Variants in SLIT1 observed in about 807,000 individuals in gnomAD.
The protein encoded by SLIT1 is slit homolog 1 protein.
A neutral mutation model predicts 186.1 loss-of-function variants in SLIT1; 66 were observed. The ratio of observed to expected loss-of-function variants is 0.35; its 90% CI spans 0.29 to 0.44. SLIT1 has a LOEUF of 0.44. SLIT1 is among the 20% of genes least tolerant of loss of function. The probability of loss-of-function intolerance (pLI) is 1.00; values close to 1 mark genes in which losing one functional copy is unlikely to be tolerated. For missense variants in SLIT1, 1,638 were observed against 2,037.4 expected, an observed-to-expected ratio of 0.80 and a Z score of 3.77; for synonymous variants, 761 against 833.8, an observed-to-expected ratio of 0.91 and a Z score of 1.50.
At chr10:97,158,462 G>A (rs1849981098) in intron 3 of SLIT1, among the ~76,000 whole-genome samples, 1 of 152,062 alleles carries the variant, frequency 6.6e-6, no homozygotes, top group Admixed American at 6.5e-5. Flanking sequence ...AGGAGTTCGA[G>A]GCCAGCCTGG....
Position 97,185,628 on chromosome 10 carries a change from G to A in SLIT1, c.47C>T (p.Pro16Leu), listed in dbSNP as rs1850402635. ...GWGSSAGPVR[P>L]ELWLLLWAAA... ...TGCCCACAGCAGCAGCCAGAGCTCCGGCCGGACCGGCCCCGCCGAGGACCC... is the reference window on the plus strand; with the variant it reads ...TGCCCACAGCAGCAGCCAGAGCTCCAGCCGGACCGGCCCCGCCGAGGACCC... The change falls in exon 1 of 37, where the codon CCG becomes CTG. Residue 16 changes from proline (P) to leucine (L), a missense_variant. Coordinates refer to ENST00000266058, the MANE Select transcript of SLIT1 (RefSeq NM_003061.3). 6.5e-7 allele frequency: 1 copy of A among 1,546,562 alleles called. No homozygotes were observed. Among genetic ancestry groups the A allele is most frequent in the Non-Finnish European group, 8.7e-7 (1 of 1,147,514 alleles).
chr10:97,030,167 T>C (rs1032995415), intron 25 of SLIT1, among the ~76,000 whole-genome samples: 1 of 152,218 alleles, frequency 6.6e-6, no homozygotes, highest in Non-Finnish European at 1.5e-5. Flanking sequence ...AGTAATCCTA[T>C]GTTGAGATTT....
intron 4 of SLIT1, among the ~76,000 whole-genome samples, chr10:97,071,254 C>T (rs1311405260): frequency 6.6e-6 from 1 of 152,128 alleles, no homozygotes; most frequent in Non-Finnish European, 1.5e-5. Context: ...CCCACAGGGA[C>T]TCAGGGAGAT....
chr10:97,098,214 A>AC (rs1297773959), intron 4 of SLIT1, among the ~76,000 whole-genome samples: 1 of 152,184 alleles, frequency 6.6e-6, no homozygotes, highest in Non-Finnish European at 1.5e-5. Flanking sequence ...GAAAACAGTG[A>AC]CCGGGATGAC....
At chr10:97,035,055 C>G (rs535052970) in intron 22 of SLIT1, among the ~76,000 whole-genome samples, 2 of 152,328 alleles carry the variant, frequency 1.3e-5, no homozygotes, top group East Asian at 3.9e-4. Context: ...AGCCGGTCCA[C>G]TGGCCACAAG....
chr10:97,109,320 C>T (rs1475810940), intron 4 of SLIT1, among the ~76,000 whole-genome samples: 1 of 152,102 alleles, frequency 6.6e-6, no homozygotes, highest in African/African-American at 2.4e-5. Context: ...TTGTTTTTAG[C>T]GATAATGATG....
chr10:97,115,812 C>G (rs1243413665), intron 4 of SLIT1, among the ~76,000 whole-genome samples: 1 of 152,208 alleles, frequency 6.6e-6, no homozygotes, highest in Non-Finnish European at 1.5e-5. Flanking sequence ...TCTGAGGAGC[C>G]AAGGCTCAGA....
rs200399275 is a variant in SLIT1, at chr10:97,059,540, T to C, written c.1014-9A>G. On this transcript the variant is annotated splice_polypyrimidine_tract_variant and intron_variant, in intron 10 of 36. Coordinates refer to ENST00000266058, the MANE Select transcript of SLIT1 (RefSeq NM_003061.3). ...GATTGTTGCTCAGGTCTCTGCAAGGTGAGCAGAAGGAGAGGGGGCATCTGA... is the reference window on the plus strand; with the variant it reads ...GATTGTTGCTCAGGTCTCTGCAAGGCGAGCAGAAGGAGAGGGGGCATCTGA... 1 of 1,612,940 alleles carries C rather than the reference T, an allele frequency of 6.2e-7. No individual in the cohort carries two copies. The highest frequency in any genetic ancestry group is 8.5e-7 in the Non-Finnish European group (1 of 1,179,492).
intron 4 of SLIT1, among the ~76,000 whole-genome samples, chr10:97,072,530 G>A (rs1360046700): frequency 6.6e-6 from 1 of 151,256 alleles, no homozygotes; most frequent in East Asian, 1.9e-4. Context: ...CCCCCAGGCA[G>A]GCAGGCAGCA....
rs778979915 is a variant in SLIT1, at chr10:97,059,494, C to T, written c.1051G>A (p.Asp351Asn). 1.9e-5 allele frequency: 30 copies of T among 1,613,684 alleles called. No individual in the cohort carries two copies. Among genetic ancestry groups the T allele is most frequent in the Middle Eastern group, 1.6e-4 (1 of 6,082 alleles). The change falls in exon 11 of 37, where the codon GAC becomes AAC. Residue 351 changes from aspartate to asparagine, a missense_variant. Physicochemically the swap from Asp to Asn is conservative, Grantham distance 23. This residue lies in a region of SLIT1 where 1,245 missense variants were observed against 1,535.3 expected (regional missense o/e 0.81). Transcript: ENST00000266058. Reference protein sequence around the residue: ...SNNQIAEIAPDAFQGLRSLNS... With the variant: ...SNNQIAEIAPNAFQGLRSLNS... The stretch of plus-strand genomic sequence containing the variant: ...AGGGAGCGGAGGCCCTGGAAGGCGT[C>T]GGGTGCAATCTCAGCGATCTGATTG...
At chr10:97,054,825 G>T (rs1848822594) in intron 13 of SLIT1, among the ~76,000 whole-genome samples, 1 of 152,210 alleles carries the variant, frequency 6.6e-6, no homozygotes, top group South Asian at 2.1e-4. Flanking sequence ...AGGACACATA[G>T]ATAAACAGCA....
At chr10:97,046,861 T>TC in intron 17 of SLIT1, 64 bp from the exon 18 acceptor site, 1 of 1,591,930 alleles carries the variant, frequency 6.3e-7, no homozygotes, top group Non-Finnish European at 8.6e-7. Context: ...GCCCCTCCCT[T>TC]CCTGCAGGCA....
In SLIT1 at chr10:97,063,536, G is replaced by C; in HGVS notation, c.712C>G (p.Leu238Val). 1 of 1,613,172 alleles carries C rather than the reference G, an allele frequency of 6.2e-7. No homozygotes were observed. Among genetic ancestry groups the C allele is most frequent in the Non-Finnish European group, 8.5e-7 (1 of 1,179,898 alleles). ...QWLRQRPTIGLFTQCSGPASL... is the reference protein window; with the variant it reads ...QWLRQRPTIGVFTQCSGPASL... ...GCTGGGCCCGAGCACTGGGTGAAGA[G>C]CCCGATGGTTGGCCGCTGCCTCAGC... Residue 238 changes from leucine (L) to valine (V), a missense_variant, in exon 8 of 37, where the codon CTC (leucine) becomes GTC (valine). Leu to Val is a conservative substitution (Grantham distance 32, BLOSUM62 1). Transcript: ENST00000266058.
chr10:97,183,088 G>T (rs572243948), intron 1 of SLIT1, among the ~76,000 whole-genome samples: 1 of 152,222 alleles, frequency 6.6e-6, no homozygotes, highest in South Asian at 2.1e-4. Context: ...CTCTGTGCTT[G>T]GCAAAATCCA....
intron 4 of SLIT1, among the ~76,000 whole-genome samples, chr10:97,119,921 A>ATATATATATATATATATT (rs1849544447): frequency 8.3e-6 from 1 of 120,082 alleles, no homozygotes; most frequent in Non-Finnish European, 1.8e-5. Flanking sequence ...GGGTATATAT[A>ATATATATATATATATATT]TATATATATA....
At position 97,078,798 on chromosome 10, in the gene SLIT1, G is replaced by A. The variant is rs112428618; in HGVS notation, c.414-12712C>T. On this transcript the variant is annotated intron_variant, in intron 4 of 36. Coordinates refer to ENST00000266058, the MANE Select transcript of SLIT1 (RefSeq NM_003061.3). ...ATGTGAACACCAGGGCGAGGCCTCCGGGCTTACTCAACACCAGGTGCTGGG... is the reference window on the plus strand; with the variant it reads ...ATGTGAACACCAGGGCGAGGCCTCCAGGCTTACTCAACACCAGGTGCTGGG... Among the ~76,000 whole-genome samples, 880 of 152,346 alleles carry A rather than the reference G, an allele frequency of 5.8e-3. 12 individuals are homozygous for A. The highest frequency in any genetic ancestry group is 0.02 in the African/African-American group (816 of 41,578).
intron 4 of SLIT1, among the ~76,000 whole-genome samples, chr10:97,141,761 C>CATTGCATTGTATTGTATT (rs1849766896): frequency 5.4e-5 from 8 of 148,862 alleles, no homozygotes; most frequent in Admixed American, 4.6e-4. Flanking sequence ...CGTATCGTAT[C>CATTGCATTGTATTGTATT]GTATTGTATC....
rs1249148140 is a variant in SLIT1, at chr10:97,058,039, A to G, written c.1086-758T>C. 4.2e-6 allele frequency: 3 copies of G among 717,532 alleles called. No homozygotes were observed. The South Asian group carries it at 4.4e-5, about 11-fold the overall frequency. The allele number at this position is 717,532 out of a possible 1,614,324, so 44.4% of individuals were successfully genotyped here. On this transcript the variant is annotated intron_variant, in intron 11 of 36. Transcript: ENST00000266058. ...CATTCCTGGAGTGAGGCACAGCAACAGCAAAGGCCCTGCAGTGGGAGCTGT... is the reference window on the plus strand; with the variant it reads ...CATTCCTGGAGTGAGGCACAGCAACGGCAAAGGCCCTGCAGTGGGAGCTGT...
At chr10:97,042,132 G>A (rs1260560739) in intron 20 of SLIT1, among the ~76,000 whole-genome samples, 1 of 152,120 alleles carries the variant, frequency 6.6e-6, no homozygotes, top group African/African-American at 2.4e-5. Flanking sequence ...GAAAGTCAAA[G>A]CTCTCCACTG....
Sources: gnomAD v4.1 joint callset for allele counts (sites outside exome capture counted in the v4.1 genomes callset) on GRCh38, gnomAD v4.1.1 for gene constraint, gnomAD v4.1.1 regional missense constraint, MANE v1.5 for transcripts, NCBI Gene and HGNC (gene_info 2026-07-23, HGNC 2026-07-21) for gene names.